The following CRLF2 variants were observed in gnomAD, a reference collection of about 807,000 sequenced individuals.
CRLF2 encodes the protein cytokine receptor like factor 2.
Under a neutral mutation model 38.7 loss-of-function variants are expected in CRLF2, and 41 were observed. The ratio of observed to expected loss-of-function variants is 1.06; its 90% CI spans 0.83 to 1.37. The LOEUF is 1.37. Ranked by LOEUF, CRLF2 falls within the 40% of genes most tolerant of loss-of-function variation. CRLF2 has a pLI of 0.00. For missense variants in CRLF2, 377 were observed against 322.2 expected, an observed-to-expected ratio of 1.17 and a Z score of -1.30; for synonymous variants, 140 against 128.8, an observed-to-expected ratio of 1.09 and a Z score of -0.59.
At chrX:1,198,482 C>T in intron 5 of CRLF2, 80 bp downstream of exon 5, 1 of 1,499,286 alleles carries the variant, frequency 6.7e-7, no homozygotes, top group Non-Finnish European at 9.3e-7. Flanking sequence ...CCCTCCCTCC[C>T]ACCTCCCGGG....
At position 1,198,548 on chromosome X, in the gene CRLF2, G is replaced by C. The variant is rs773757393; in HGVS notation, c.646+14C>G. 2 of 1,613,348 alleles carry C rather than the reference G, an allele frequency of 1.2e-6. No homozygotes were observed. The highest frequency in any genetic ancestry group is 1.7e-5 in the Admixed American group (1 of 59,978). On this transcript the variant is annotated intron_variant, in intron 5 of 7. Transcript: ENST00000400841. The stretch of plus-strand genomic sequence containing the variant: ...TGACAAGGCTATGGGACACTGCCGC[G>C]TAACAAGCATTACCCCGAATCTCGC...
chrX:1,195,503 G>T (rs2086458712), intron 6 of CRLF2, among the ~76,000 whole-genome samples: 1 of 151,768 alleles, frequency 6.6e-6, no homozygotes, highest in Admixed American at 6.6e-5. Context: ...AAACTCCCAG[G>T]CTCAAGCCGT....
intron 7 of CRLF2, among the ~76,000 whole-genome samples, chrX:1,192,716 CTT>C (rs1217262965): frequency 3.1e-5 from 1 of 32,686 alleles, no homozygotes; most frequent in African/African-American, 2.5e-4. Context: ...TCTTTTCTTT[CTT>C]TCTTTCTTTC....
intron 2 of CRLF2, among the ~76,000 whole-genome samples, chrX:1,208,300 T>G (rs1184284437): frequency 2.6e-5 from 4 of 151,996 alleles, no homozygotes; most frequent in Middle Eastern, 3.2e-3. Context: ...GGCTCACGCC[T>G]GTCATCCCAG....
In CRLF2 at chrX:1,196,775, C is replaced by T; in HGVS notation, c.767+5G>A. 6.2e-7 allele frequency: 1 copy of T among 1,613,124 alleles called. No homozygotes were observed. On this transcript the variant is annotated splice_donor_5th_base_variant and intron_variant, in intron 6 of 7. Transcript: ENST00000400841. The stretch of plus-strand genomic sequence containing the variant: ...CCACCCACGGGCGGCAGGAGTCATC[C>T]TTACCTCCATAATTTCCATAAAGAC...
rs1285862014 is a variant in CRLF2 at position 1,190,739 on chromosome X, G to A, written c.*158C>T. 7.0e-5 allele frequency: 28 copies of A among 397,954 alleles called. No individual in the cohort carries two copies. Among genetic ancestry groups the A allele is most frequent in the East Asian group, 4.3e-4 (12 of 28,070 alleles). The allele number at this position is 397,954 out of a possible 1,614,324, so 24.7% of individuals were successfully genotyped here. On this transcript the variant is annotated 3_prime_UTR_variant, in exon 8 of 8. Transcript: ENST00000400841. ...GGGGAAAGTTAGCAGGGCAGTGGCCGCATTAGGCGGTGAGGCTGGGTCTTC... is the reference window on the plus strand; with the variant it reads ...GGGGAAAGTTAGCAGGGCAGTGGCCACATTAGGCGGTGAGGCTGGGTCTTC...
intron 1 of CRLF2, among the ~76,000 whole-genome samples, chrX:1,209,649 G>C (rs747203057): frequency 1.3e-5 from 2 of 152,082 alleles, no homozygotes; most frequent in South Asian, 4.2e-4. Context: ...TTTTGTTTTT[G>C]CAAAAGGTAA....
chrX:1,204,856 A>G (rs1339388272), intron 3 of CRLF2, among the ~76,000 whole-genome samples: 14 of 146,296 alleles, frequency 9.6e-5, no homozygotes, highest in African/African-American at 1.8e-4. Flanking sequence ...GAATTTATAA[A>G]TCGCCCAGGC....
intron 1 of CRLF2, among the ~76,000 whole-genome samples, chrX:1,209,490 C>CCCAG: frequency 6.6e-6 from 1 of 151,256 alleles, no homozygotes; most frequent in African/African-American, 2.4e-5. Context: ...CGCCACCATG[C>CCCAG]CTGGATAATT....
At position 1,195,158 on chromosome X, in the gene CRLF2, A is replaced by C. The variant is rs1272279786; in HGVS notation, c.767+1622T>G. Among the ~76,000 whole-genome samples the C allele has an allele frequency of 7.9e-3, 1,205 of 152,156 alleles. 12 individuals are homozygous for C. Among genetic ancestry groups the C allele is most frequent in the Middle Eastern group, 0.061 (18 of 294 alleles). Reference sequence around the variant, plus strand: ...CAGTGAGCCGAGATCACGCCACTGCACTCCAGCCTGGGTGACAGAGTGAGA... The same window carrying C: ...CAGTGAGCCGAGATCACGCCACTGCCCTCCAGCCTGGGTGACAGAGTGAGA... On this transcript the variant is annotated intron_variant, in intron 6 of 7. Transcript: ENST00000400841.
intron 6 of CRLF2, among the ~76,000 whole-genome samples, chrX:1,195,129 G>T (rs2086454369): frequency 2.0e-5 from 3 of 151,850 alleles, no homozygotes; most frequent in Non-Finnish European, 4.4e-5. Flanking sequence ...GGAGGCAGAG[G>T]TTGCAGTGAG....
chrX:1,191,682 C>G (rs1237878718), intron 7 of CRLF2, among the ~76,000 whole-genome samples: 87 of 151,500 alleles, frequency 5.7e-4, no homozygotes, highest in African/African-American at 1.8e-3. Flanking sequence ...CAGACGTGCA[C>G]CACCACACAC....
At chrX:1,192,476 T>C (rs1484691084) in intron 7 of CRLF2, among the ~76,000 whole-genome samples, 1 of 151,320 alleles carries the variant, frequency 6.6e-6, no homozygotes, top group Non-Finnish European at 1.5e-5. Context: ...ATTAGCCAGG[T>C]GTGGTGGCGG....
intron 2 of CRLF2, among the ~76,000 whole-genome samples, chrX:1,206,942 CTTTTTT>C (rs766628411): frequency 4.3e-5 from 5 of 115,692 alleles, no homozygotes; most frequent in Non-Finnish European, 8.6e-5. Context: ...ACCACACCGG[CTTTTTT>C]TTTTTTTTTT....
In CRLF2 at chrX:1,193,257, G is replaced by C. The variant is rs1457324316; in HGVS notation, c.813C>G (p.Ile271Met). ...LIPSVPDPKS[I>M]FPGLFEIHQG... ...GGTGTATCTCAAAGAGCCCGGGGAA[G>C]ATGGATTTCGGGTCTGGCACGCTGG... The change falls in exon 7 of 8, where the codon ATC becomes ATG. Residue 271 changes from isoleucine (I) to methionine (M), a missense_variant. Coordinates refer to ENST00000400841, the MANE Select transcript of CRLF2 (RefSeq NM_022148.4). 4.5e-5 allele frequency: 18 copies of C among 398,540 alleles called. No homozygotes were observed. The highest frequency in any genetic ancestry group is 1.2e-3 in the Middle Eastern group (2 of 1,610). 24.7% of individuals were successfully genotyped at this position (398,540 alleles called of 1,614,324 possible).
chrX:1,208,635 G>A (rs1302270056), intron 2 of CRLF2, among the ~76,000 whole-genome samples, 171 bp downstream of exon 2: 6 of 152,192 alleles, frequency 3.9e-5, no homozygotes, highest in Non-Finnish European at 7.3e-5. Context: ...AAGGTTTGGG[G>A]CAATGAGATT....
intron 5 of CRLF2, among the ~76,000 whole-genome samples, chrX:1,197,149 G>A (rs1169883747): frequency 6.9e-6 from 1 of 144,896 alleles, no homozygotes; most frequent in African/African-American, 2.6e-5. Context: ...CTGGAGTGCA[G>A]TGGCTCCATC....
intron 4 of CRLF2, chrX:1,198,991 A>G: frequency 2.0e-6 from 1 of 507,272 alleles, no homozygotes; most frequent in Non-Finnish European, 3.6e-6. Context: ...TCTACTGATA[A>G]TACAAAAATT....
chrX:1,208,546 A>G (rs1481140502), intron 2 of CRLF2, among the ~76,000 whole-genome samples: 1 of 152,168 alleles, frequency 6.6e-6, no homozygotes, highest in African/African-American at 2.4e-5. Flanking sequence ...CAACGGAGTG[A>G]GACTCCGACT....
Sources: gnomAD v4.1 joint callset for allele counts (sites outside exome capture counted in the v4.1 genomes callset) on GRCh38, gnomAD v4.1.1 for gene constraint, MANE v1.5 for transcripts, NCBI Gene and HGNC (gene_info 2026-07-23, HGNC 2026-07-21) for gene names.